Variants in ARSJ observed in about 807,000 individuals in gnomAD.
ARSJ encodes the protein arylsulfatase family member J.
In ARSJ, 26 loss-of-function variants were observed where a neutral mutation model predicts 35.9. That is an observed-to-expected ratio of 0.72 (90% CI 0.53 to 1.00). The LOEUF is 1.00. Ranked by LOEUF, ARSJ falls within the 50% of genes least tolerant of loss-of-function variation. The probability of loss-of-function intolerance (pLI) is 0.00; values close to 1 mark genes in which losing one functional copy is unlikely to be tolerated. For synonymous variants in ARSJ, 294 were observed against 267.6 expected (o/e 1.10, Z -0.96); for missense variants, 667 against 723.6 (o/e 0.92, Z 0.90).
intron 1 of ARSJ, among the ~76,000 whole-genome samples, chr4:113,959,722 A>G (rs926436067): frequency 1.3e-5 from 2 of 152,080 alleles, no homozygotes; most frequent in Admixed American, 6.6e-5. Context: ...TTTGGCAACT[A>G]TAATCAACAT....
intron 1 of ARSJ, among the ~76,000 whole-genome samples, chr4:113,937,710 T>C (rs1055739178): frequency 1.3e-5 from 2 of 152,028 alleles, no homozygotes; most frequent in Non-Finnish European, 2.9e-5. Flanking sequence ...ACAAAATCAA[T>C]GTGCAAAAAT....
chr4:113,903,748 A>C (rs886360814), intron 1 of ARSJ, 73 bp from the exon 2 acceptor site: 2 of 1,483,884 alleles, frequency 1.3e-6, no homozygotes, highest in Non-Finnish European at 1.8e-6. Flanking sequence ...ATGATCCCTA[A>C]ATTAAAAAAT....
intron 1 of ARSJ, among the ~76,000 whole-genome samples, chr4:113,964,314 GA>G (rs1417140437): frequency 6.6e-6 from 1 of 152,044 alleles, no homozygotes; most frequent in African/African-American, 2.4e-5. Flanking sequence ...CACTGTAGTA[GA>G]AAAGGAGCAC....
chr4:113,901,987 T>C lies in ARSJ; in HGVS notation c.*287A>G, dbSNP rs2099667221. The C allele has an allele frequency of 1.5e-6, 1 of 677,600 alleles. No individual in the cohort carries two copies. The highest frequency in any genetic ancestry group is 2.3e-6 in the Non-Finnish European group (1 of 436,344). 42.0% of individuals were successfully genotyped at this position (677,600 alleles called of 1,614,324 possible). Reference sequence around the variant, plus strand: ...TCAAAGCAGTGTTTGGTCAGTTGACTGAAGCACAGCAGTGGAACTCAGGAC... The same window carrying C: ...TCAAAGCAGTGTTTGGTCAGTTGACCGAAGCACAGCAGTGGAACTCAGGAC... On this transcript the variant is annotated 3_prime_UTR_variant, in exon 2 of 2. Transcript: ENST00000315366.
At chr4:113,960,866 G>A (rs1344907965) in intron 1 of ARSJ, among the ~76,000 whole-genome samples, 1 of 152,018 alleles carries the variant, frequency 6.6e-6, no homozygotes, top group Non-Finnish European at 1.5e-5. Context: ...AGAAGGAAGG[G>A]GTTGAGGCTG....
intron 1 of ARSJ, among the ~76,000 whole-genome samples, chr4:113,921,998 G>A (rs1723711787): frequency 6.6e-6 from 1 of 152,084 alleles, no homozygotes; most frequent in South Asian, 2.1e-4. Context: ...ACATGGACAG[G>A]GCAGTTGTTT....
intron 1 of ARSJ, among the ~76,000 whole-genome samples, chr4:113,949,903 A>G (rs1331356363): frequency 6.6e-6 from 1 of 152,130 alleles, no homozygotes; most frequent in Non-Finnish European, 1.5e-5. Context: ...GAGCATTGCT[A>G]TGGCACACAG....
intron 1 of ARSJ, among the ~76,000 whole-genome samples, chr4:113,941,164 C>T (rs4311378): frequency 0.81 from 122,692 of 152,018 alleles, 49,719 homozygotes; most frequent in African/African-American, 0.88. Context: ...TAGATGTAAA[C>T]GTGATATGTG....
intron 1 of ARSJ, among the ~76,000 whole-genome samples, chr4:113,939,178 T>C (rs1724967835): frequency 6.7e-6 from 1 of 149,882 alleles, no homozygotes; most frequent in African/African-American, 2.5e-5. Context: ...TTTTTGTCCT[T>C]GCGATAGTTT....
chr4:113,931,996 G>T (rs568247515), intron 1 of ARSJ, among the ~76,000 whole-genome samples: 37 of 152,112 alleles, frequency 2.4e-4, no homozygotes, highest in Non-Finnish European at 4.0e-4. Context: ...TAAACTGAAA[G>T]CAAAGGAGTG....
In ARSJ at chr4:113,955,052, G is replaced by C. The variant is rs571560762; in HGVS notation, c.398+23385C>G. On this transcript the variant is annotated intron_variant, in intron 1 of 1. Coordinates refer to ENST00000315366, the MANE Select transcript of ARSJ (RefSeq NM_024590.4). ...GTGAGCATACAGCATCTGTTTCCAA[G>C]CCTATACCAGATGGATGAAAATAAT... is the stretch of plus-strand genomic sequence containing the variant. Among the ~76,000 whole-genome samples, 20 of 147,708 alleles carry C rather than the reference G, an allele frequency of 1.4e-4. No homozygotes were observed. The South Asian group carries it at 4.0e-3, about 30-fold the overall frequency.
At chr4:113,929,928 G>T (rs1419884676) in intron 1 of ARSJ, among the ~76,000 whole-genome samples, 3 of 152,024 alleles carry the variant, frequency 2.0e-5, no homozygotes, top group Non-Finnish European at 4.4e-5. Flanking sequence ...GAATCAGGGT[G>T]TCAAATGCAT....
intron 1 of ARSJ, among the ~76,000 whole-genome samples, chr4:113,952,370 A>T (rs1190260444): frequency 2.0e-5 from 3 of 152,088 alleles, no homozygotes; most frequent in African/African-American, 7.2e-5. Flanking sequence ...CAACCTATTA[A>T]TTAGTTTTAT....
chr4:113,920,801 A>G (rs978278023), intron 1 of ARSJ, among the ~76,000 whole-genome samples: 4 of 152,094 alleles, frequency 2.6e-5, no homozygotes, highest in African/African-American at 9.7e-5. Flanking sequence ...ACATCATCCT[A>G]TTTTAGAGTA....
intron 1 of ARSJ, among the ~76,000 whole-genome samples, chr4:113,976,039 C>T (rs1264015765): frequency 6.6e-6 from 1 of 152,118 alleles, no homozygotes; most frequent in African/African-American, 2.4e-5. Flanking sequence ...TATTGACAGG[C>T]TGACTGATAA....
intron 1 of ARSJ, among the ~76,000 whole-genome samples, chr4:113,941,569 T>C (rs773163049): frequency 6.6e-6 from 1 of 151,986 alleles, no homozygotes; most frequent in Admixed American, 6.6e-5. Flanking sequence ...TAATTTGAGA[T>C]AGATGTGCTG....
At chr4:113,966,542 A>T (rs1307091299) in intron 1 of ARSJ, among the ~76,000 whole-genome samples, 1 of 152,176 alleles carries the variant, frequency 6.6e-6, no homozygotes, top group East Asian at 1.9e-4. Flanking sequence ...GGGCTAATTT[A>T]TTATTGCTTC....
chr4:113,947,218 G>C (rs1033842119), intron 1 of ARSJ, among the ~76,000 whole-genome samples: 4 of 152,002 alleles, frequency 2.6e-5, no homozygotes, highest in Non-Finnish European at 5.9e-5. Context: ...TGGTGGCTGA[G>C]ACCTGTAATC....
intron 1 of ARSJ, among the ~76,000 whole-genome samples, chr4:113,936,510 C>T (rs1724776197): frequency 6.6e-6 from 1 of 151,716 alleles, no homozygotes; most frequent in South Asian, 2.1e-4. Context: ...GAGAATGTTG[C>T]TATGTAAAGA....
Sources: allele counts gnomAD v4.1 joint callset (sites outside exome capture counted in the v4.1 genomes callset), GRCh38; gene constraint gnomAD v4.1.1; transcripts MANE v1.5; gene names NCBI Gene and HGNC (gene_info 2026-07-23, HGNC 2026-07-21).